The following ITGA9 variants were observed in gnomAD, a reference collection of about 807,000 sequenced individuals.
The protein encoded by ITGA9 is integrin alpha-9.
Under a neutral mutation model 127.8 loss-of-function variants are expected in ITGA9, and 56 were observed. The observed-to-expected ratio is 0.44, with a 90% confidence interval of 0.35 to 0.55. The LOEUF is 0.55. Among genes scored for constraint, ITGA9 ranks in the 20% least tolerant of loss-of-function variants. The pLI, the probability that ITGA9 is intolerant of heterozygous loss-of-function variation, is 0.00. For synonymous variants in ITGA9, 508 were observed against 514.5 expected, an observed-to-expected ratio of 0.99 and a Z score of 0.17; for missense variants, 1,196 against 1,347.1, an observed-to-expected ratio of 0.89 and a Z score of 1.76.
intron 15 of ITGA9, among the ~76,000 whole-genome samples, chr3:37,588,539 G>A (rs1354867671): frequency 6.6e-6 from 1 of 152,238 alleles, no homozygotes; most frequent in Non-Finnish European, 1.5e-5. Context: ...ACTTAGGGCT[G>A]TTGGGGCAGG....
At chr3:37,520,545 C>T (rs547862570) in intron 11 of ITGA9, among the ~76,000 whole-genome samples, 7 of 152,300 alleles carry the variant, frequency 4.6e-5, no homozygotes, top group Admixed American at 2.6e-4. Context: ...AAGGAACGCT[C>T]GGAAACTCAG....
intron 18 of ITGA9, among the ~76,000 whole-genome samples, chr3:37,723,785 A>G (rs1701216814): frequency 6.6e-6 from 1 of 152,240 alleles, no homozygotes; most frequent in Admixed American, 6.5e-5. Flanking sequence ...GGCGTGATAT[A>G]GGGCAGCGGT....
intron 24 of ITGA9, among the ~76,000 whole-genome samples, chr3:37,778,060 AATAAC>A (rs1465521905): frequency 7.9e-5 from 12 of 152,406 alleles, no homozygotes; most frequent in Admixed American, 6.5e-4. Context: ...AGTAATGAAA[AATAAC>A]AAACTACTGC....
At chr3:37,704,007 G>A (rs1168104411) in intron 18 of ITGA9, among the ~76,000 whole-genome samples, 1 of 152,128 alleles carries the variant, frequency 6.6e-6, no homozygotes, top group Non-Finnish European at 1.5e-5. Context: ...TCAGGCACAG[G>A]CAGGCTGACT....
At chr3:37,587,899 C>G (rs1359347113) in intron 15 of ITGA9, among the ~76,000 whole-genome samples, 1 of 152,206 alleles carries the variant, frequency 6.6e-6, no homozygotes, top group Non-Finnish European at 1.5e-5. Flanking sequence ...AACGGACTCT[C>G]CTGCCCGGAC....
chr3:37,479,103 C>T (rs1366046353), intron 3 of ITGA9, among the ~76,000 whole-genome samples: 3 of 152,000 alleles, frequency 2.0e-5, no homozygotes, highest in Non-Finnish European at 4.4e-5. Context: ...CTTAGCAAAA[C>T]CAAAACATAA....
At chr3:37,757,153 G>C (rs941309393) in intron 23 of ITGA9, among the ~76,000 whole-genome samples, 1 of 151,396 alleles carries the variant, frequency 6.6e-6, no homozygotes, top group African/African-American at 2.4e-5. Context: ...TAAAATGAAG[G>C]TATTATTAAA....
chr3:37,571,606 A>T (rs1161547314), intron 15 of ITGA9, among the ~76,000 whole-genome samples: 1 of 152,134 alleles, frequency 6.6e-6, no homozygotes, highest in Non-Finnish European at 1.5e-5. Flanking sequence ...AGCGTTTCTG[A>T]TTCAGTGGGT....
chr3:37,724,772 A>G (rs1264994280), intron 18 of ITGA9, among the ~76,000 whole-genome samples: 5 of 152,136 alleles, frequency 3.3e-5, no homozygotes, highest in Non-Finnish European at 1.5e-5. Context: ...TGCTGGGATT[A>G]CAGTCGTGAG....
intron 21 of ITGA9, 150 bp from the exon 22 acceptor site, chr3:37,743,776 A>G (rs1342028854): frequency 1.4e-6 from 1 of 703,538 alleles, no homozygotes; most frequent in East Asian, 2.7e-5. Flanking sequence ...GTCAGAAAGC[A>G]CAGACTGGCT....
intron 14 of ITGA9, among the ~76,000 whole-genome samples, chr3:37,540,406 T>C (rs1699253700): frequency 6.6e-6 from 1 of 152,238 alleles, no homozygotes; most frequent in Non-Finnish European, 1.5e-5. Flanking sequence ...AGGGCAGTTG[T>C]TCAGGGAAGT....
At chr3:37,753,436 C>T (rs1696613732) in intron 23 of ITGA9, among the ~76,000 whole-genome samples, 1 of 152,188 alleles carries the variant, frequency 6.6e-6, no homozygotes, top group African/African-American at 2.4e-5. Context: ...CTCTTCAAGT[C>T]AGGGCTTAGA....
chr3:37,707,210 A>AAC (rs34168131), intron 18 of ITGA9, among the ~76,000 whole-genome samples: 110,222 of 151,880 alleles, frequency 0.73, 41,015 homozygotes, highest in African/African-American at 0.9. Context: ...AAAATTTCTT[A>AAC]AGAGTTTAGT....
chr3:37,710,459 C>T lies in ITGA9; in HGVS notation c.2068-22253C>T, dbSNP rs377047087. On this transcript the variant is annotated intron_variant, in intron 18 of 27. Coordinates refer to ENST00000264741, the MANE Select transcript of ITGA9 (RefSeq NM_002207.3). ...AAGATAACGTCGGAGGATGAACCCA[C>T]GAGCGTGGTTTGTGTGGGAGGATGT... Among the ~76,000 whole-genome samples the T allele has an allele frequency of 1.4e-4, 22 of 152,178 alleles. No individual in the cohort carries two copies. The South Asian group carries it at 4.4e-3, about 30-fold the overall frequency.
At chr3:37,464,537 C>G (rs932333529) in intron 1 of ITGA9, among the ~76,000 whole-genome samples, 2 of 152,140 alleles carry the variant, frequency 1.3e-5, no homozygotes, top group African/African-American at 4.8e-5. Flanking sequence ...TTTATTCCTC[C>G]TGTTTTACAG....
chr3:37,746,335 A>G (rs1231273577), intron 22 of ITGA9, among the ~76,000 whole-genome samples: 1 of 152,220 alleles, frequency 6.6e-6, no homozygotes, highest in African/African-American at 2.4e-5. Context: ...CAGAAATACT[A>G]GTCTTGGGCC....
intron 13 of ITGA9, among the ~76,000 whole-genome samples, chr3:37,526,805 G>A (rs1699097792): frequency 6.6e-6 from 1 of 152,204 alleles, no homozygotes; most frequent in Non-Finnish European, 1.5e-5. Flanking sequence ...TCTCAGAGCT[G>A]GAAGGGATCC....
At position 37,819,108 on chromosome 3, in the gene ITGA9, T is replaced by G. The variant is rs1697480065; in HGVS notation, c.*119T>G. The G allele has an allele frequency of 8.8e-6, 7 of 791,326 alleles. No homozygotes were observed. Among genetic ancestry groups the G allele is most frequent in the Non-Finnish European group, 1.5e-5 (7 of 456,954 alleles). The allele number at this position is 791,326 out of a possible 1,614,324, so 49.0% of individuals were successfully genotyped here. On this transcript the variant is annotated 3_prime_UTR_variant, in exon 28 of 28. Transcript: ENST00000264741. The stretch of plus-strand genomic sequence containing the variant: ...TTCGGAGGCCCCACTGATGCTGTTC[T>G]CTTCTTCATTCTATCAAGCCCAGGT...
chr3:37,728,085 G>T (rs138731460), intron 18 of ITGA9, among the ~76,000 whole-genome samples: 5 of 152,200 alleles, frequency 3.3e-5, no homozygotes, highest in African/African-American at 7.2e-5. Flanking sequence ...ACTGGTCCGC[G>T]TTCCCAGTCA....
Sources: allele counts gnomAD v4.1 joint callset (sites outside exome capture counted in the v4.1 genomes callset), GRCh38; gene constraint gnomAD v4.1.1; transcripts MANE v1.5; gene names NCBI Gene and HGNC (gene_info 2026-07-23, HGNC 2026-07-21).